Variants in KCNK12 observed in about 807,000 individuals in gnomAD.
KCNK12 encodes the protein potassium two pore domain channel subfamily K member 12.
A neutral mutation model predicts 25.3 loss-of-function variants in KCNK12; 6 were observed. The observed-to-expected ratio is 0.24, with a 90% CI of 0.13 to 0.47. The LOEUF is 0.47. KCNK12 is among the 20% of genes least tolerant of loss of function. The pLI is 0.99. For missense variants in KCNK12, 444 were observed against 661.7 expected (o/e 0.67, Z 3.61); for synonymous variants, 331 against 311.1 (o/e 1.06, Z -0.67).
At chr2:47,536,567 G>A (rs1473782744) in intron 1 of KCNK12, among the ~76,000 whole-genome samples, 6 of 152,200 alleles carry the variant, frequency 3.9e-5, no homozygotes, top group Admixed American at 3.9e-4. Context: ...GCAGGGGAAG[G>A]AAGACTATGG....
intron 1 of KCNK12, among the ~76,000 whole-genome samples, chr2:47,534,264 G>GT (rs945325633): frequency 6.6e-6 from 1 of 152,106 alleles, no homozygotes; most frequent in East Asian, 1.9e-4. Context: ...TGGGATTAAG[G>GT]TTTTCTCTCC....
At position 47,566,710 on chromosome 2, in the gene KCNK12, A is replaced by G. The variant is rs533653472; in HGVS notation, c.391+3231T>C. On this transcript the variant is annotated intron_variant, in intron 1 of 1. Coordinates refer to ENST00000327876, the MANE Select transcript of KCNK12 (RefSeq NM_022055.2). The surrounding 1 kb of genome is among the most constrained non-coding windows in gnomAD (Gnocchi z 4.1). ...GTCCCTGCCCTGGTTACACACACATACACTCTCTCTCACACTCAGACAGAC... is the reference window on the plus strand; with the variant it reads ...GTCCCTGCCCTGGTTACACACACATGCACTCTCTCTCACACTCAGACAGAC... 6.6e-6 allele frequency: 1 copy of G among 152,278 alleles called. No individual in the cohort carries two copies. The highest frequency in any genetic ancestry group is 2.4e-5 in the African/African-American group (1 of 41,556). 9.4% of individuals were successfully genotyped at this position (152,278 alleles called of 1,614,324 possible).
rs1237640866 is a variant in KCNK12, at chr2:47,529,645, C to T, written c.392-7837G>A. On this transcript the variant is annotated intron_variant, in intron 1 of 1. Transcript: ENST00000327876. The surrounding 1 kb of genome is among the most constrained non-coding windows in gnomAD (Gnocchi z 4.3). ...CCAATCAGGATAATCCAGTTCCTTA[C>T]CATGACTGGCTCAAGAATGGGTAGA... 6.6e-6 allele frequency among the ~76,000 whole-genome samples: 1 copy of T among 152,190 alleles called. No individual in the cohort carries two copies. The highest frequency in any genetic ancestry group is 1.5e-5 in the Non-Finnish European group (1 of 68,040).
In KCNK12 at chr2:47,570,282, A is replaced by AGGC. The variant is rs1320420491; in HGVS notation, c.47_49dup (p.Arg16dup). The AGGC allele has an allele frequency of 5.0e-6, 7 of 1,392,928 alleles. No individual in the cohort carries two copies. The highest frequency in any genetic ancestry group is 3.0e-5 in the African/African-American group (2 of 66,230). The allele number at this position is 1,392,928 out of a possible 1,614,324, so 86.3% of individuals were successfully genotyped here. On this transcript the variant is annotated inframe_insertion, in exon 1 of 2. Transcript: ENST00000327876. ...GCAGCAGCAGCAGGAGGGGCGCGGCAGGCGGCGGCGGCTACGGCGGGGCGG... is the reference window on the plus strand; with the variant it reads ...GCAGCAGCAGCAGGAGGGGCGCGGCAGGCGGCGGCGGCGGCTACGGCGGGGCGG...
rs1668635917 is a variant in KCNK12, at chr2:47,520,843, A to T, written c.*64T>A. 3.6e-6 allele frequency: 4 copies of T among 1,121,612 alleles called. No individual in the cohort carries two copies. The highest frequency in any genetic ancestry group is 4.5e-6 in the Non-Finnish European group (4 of 885,368). 69.5% of individuals were successfully genotyped at this position (1,121,612 alleles called of 1,614,324 possible). A position where few individuals can be genotyped will look rare whatever the true frequency, so the allele number is the denominator to read the frequency against. ...AGAAAGCGCCAGCAGTGACTGAGAG[A>T]AGCAAACCACGCCCGGCGGCCCCGC... On this transcript the variant is annotated 3_prime_UTR_variant, in exon 2 of 2. Transcript: ENST00000327876. This position sits in a 1 kb window ranked among gnomAD's most constrained non-coding sequence, Gnocchi z 5.0.
intron 1 of KCNK12, chr2:47,543,670 A>T (rs762866610): frequency 6.6e-6 from 1 of 152,318 alleles, no homozygotes; most frequent in Non-Finnish European, 1.5e-5. Context: ...GAAAGGGCAG[A>T]GTCGGGGATC....
chr2:47,569,380 G>A lies in KCNK12; in HGVS notation c.391+561C>T, dbSNP rs185917945. Among the ~76,000 whole-genome samples, 16 of 152,272 alleles carry A rather than the reference G, an allele frequency of 1.1e-4. No homozygotes were observed. The highest frequency in any genetic ancestry group is 3.9e-4 in the African/African-American group (16 of 41,540). ...AGGCTAACGGGCTTTACTTTGGGGG[G>A]CGGTATAGACTGTAGGAGAAGCAAG... On this transcript the variant is annotated intron_variant, in intron 1 of 1. Coordinates refer to ENST00000327876, the MANE Select transcript of KCNK12 (RefSeq NM_022055.2). The surrounding 1 kb of genome is among the most constrained non-coding windows in gnomAD (Gnocchi z 4.1).
At chr2:47,550,948 G>A (rs1669417379) in intron 1 of KCNK12, among the ~76,000 whole-genome samples, 1 of 152,082 alleles carries the variant, frequency 6.6e-6, no homozygotes, top group Admixed American at 6.6e-5. Flanking sequence ...ACAGCAATGA[G>A]TGGTCTTAGA....
chr2:47,563,963 T>C (rs908910786), intron 1 of KCNK12: 8 of 231,568 alleles, frequency 3.5e-5, no homozygotes, highest in Admixed American at 1.1e-4. Flanking sequence ...AGCAGGGGGA[T>C]CCAGGTACCT....
rs1669779141 is a variant in KCNK12, at chr2:47,565,941, T to C, written c.391+4000A>G. The C allele has an allele frequency of 6.6e-6, 1 of 152,232 alleles. No homozygotes were observed. The highest frequency in any genetic ancestry group is 6.5e-5 in the Admixed American group (1 of 15,288). The allele number at this position is 152,232 out of a possible 1,614,324, so 9.4% of individuals were successfully genotyped here. ...CTTAGATGTTTTTTAATTGGCAGAA[T>C]GAATAAATGGATACATTCACATTAA... is the stretch of plus-strand genomic sequence containing the variant. On this transcript the variant is annotated intron_variant, in intron 1 of 1. Transcript: ENST00000327876. This position sits in a 1 kb window ranked among gnomAD's most constrained non-coding sequence, Gnocchi z 5.0.
intron 1 of KCNK12, among the ~76,000 whole-genome samples, chr2:47,558,652 T>C (rs1016098514): frequency 6.6e-6 from 1 of 152,068 alleles, no homozygotes; most frequent in Admixed American, 6.5e-5. Context: ...TTCAGAACAC[T>C]TGGCAGCAGG....
At position 47,562,713 on chromosome 2, in the gene KCNK12, C is replaced by T. The variant is rs1459961120; in HGVS notation, c.391+7228G>A. 8.6e-6 allele frequency: 2 copies of T among 233,182 alleles called. No homozygotes were observed. Among genetic ancestry groups the T allele is most frequent in the Admixed American group, 5.6e-5 (1 of 17,776 alleles). 14.4% of individuals were successfully genotyped at this position (233,182 alleles called of 1,614,324 possible). Reference sequence around the variant, plus strand: ...TTCAGTACCCTTCTTCATTCTCTACCAGCACCTCCCCAACCTCCTGGAAAC... The same window carrying T: ...TTCAGTACCCTTCTTCATTCTCTACTAGCACCTCCCCAACCTCCTGGAAAC... On this transcript the variant is annotated intron_variant, in intron 1 of 1. Coordinates refer to ENST00000327876, the MANE Select transcript of KCNK12 (RefSeq NM_022055.2). The surrounding 1 kb of genome is among the most constrained non-coding windows in gnomAD (Gnocchi z 4.8).
intron 1 of KCNK12, among the ~76,000 whole-genome samples, chr2:47,527,363 A>G (rs746526139): frequency 9.2e-5 from 14 of 152,014 alleles, no homozygotes; most frequent in Non-Finnish European, 1.8e-4. Context: ...GCCAAGGTAG[A>G]CTCATAACCT....
At chr2:47,531,905 A>G (rs564065847) in intron 1 of KCNK12, among the ~76,000 whole-genome samples, 1 of 152,094 alleles carries the variant, frequency 6.6e-6, no homozygotes, top group Non-Finnish European at 1.5e-5. Context: ...GGGTGTAACT[A>G]ACCCTAGGCC....
Position 47,551,197 on chromosome 2 carries a change from C to T in KCNK12, c.391+18744G>A, listed in dbSNP as rs1417255089. On this transcript the variant is annotated intron_variant, in intron 1 of 1. Coordinates refer to ENST00000327876, the MANE Select transcript of KCNK12 (RefSeq NM_022055.2). This position sits in a 1 kb window ranked among gnomAD's most constrained non-coding sequence, Gnocchi z 5.3. ...CCAAACACTATTCCAGACACACTGG[C>T]TTCCTTGCGGCTCCTCCAGCAAACC... Among the ~76,000 whole-genome samples, 1 of 152,186 alleles carries T rather than the reference C, an allele frequency of 6.6e-6. No individual in the cohort carries two copies. Among genetic ancestry groups the T allele is most frequent in the African/African-American group, 2.4e-5 (1 of 41,430 alleles).
In KCNK12 at chr2:47,562,157, C is replaced by G; in HGVS notation, c.391+7784G>C. On this transcript the variant is annotated intron_variant, in intron 1 of 1. Coordinates refer to ENST00000327876, the MANE Select transcript of KCNK12 (RefSeq NM_022055.2). The surrounding 1 kb of genome is among the most constrained non-coding windows in gnomAD (Gnocchi z 4.8). ...GGAATGCAGACTGTCAGGTCCCACC[C>G]CAGACCTACTCAACAGAAACTACTT... The G allele has an allele frequency of 1.0e-5, 4 of 398,652 alleles. No individual in the cohort carries two copies. In the East Asian group the frequency reaches 1.4e-4, roughly 14 times the overall value. The allele number at this position is 398,652 out of a possible 1,614,324, so 24.7% of individuals were successfully genotyped here. A position where few individuals can be genotyped will look rare whatever the true frequency, so the allele number is the denominator to read the frequency against.
Position 47,521,136 on chromosome 2 carries a change from C to T in KCNK12, c.1064G>A (p.Arg355His). The change falls in exon 2 of 2, where the codon CGC (arginine) becomes CAC (histidine). Residue 355 changes from arginine (R) to histidine (H), a missense_variant. By Grantham distance (29) the Arg-to-His change is conservative. Transcript: ENST00000327876. Reference sequence around the variant, plus strand: ...GCGGCGGCCCTCGGCGTCGCTGTCGCGGGCCGCGGGGTCGGCACCGAGCGC... The same window carrying T: ...GCGGCGGCCCTCGGCGTCGCTGTCGTGGGCCGCGGGGTCGGCACCGAGCGC... Reference protein sequence around the residue: ...LAALGADPAARDSDAEGRRLS... With the variant: ...LAALGADPAAHDSDAEGRRLS... 3 of 1,271,276 alleles carry T rather than the reference C, an allele frequency of 2.4e-6. 1 individual carries two copies. The highest frequency in any genetic ancestry group is 6.0e-5 in the South Asian group (2 of 33,356). 78.7% of individuals were successfully genotyped at this position (1,271,276 alleles called of 1,614,324 possible).
chr2:47,551,786 C>G lies in KCNK12; in HGVS notation c.391+18155G>C, dbSNP rs1669439038. 6.6e-6 allele frequency among the ~76,000 whole-genome samples: 1 copy of G among 152,218 alleles called. No individual in the cohort carries two copies. Among genetic ancestry groups the G allele is most frequent in the Admixed American group, 6.5e-5 (1 of 15,282 alleles). On this transcript the variant is annotated intron_variant, in intron 1 of 1. Transcript: ENST00000327876. This position sits in a 1 kb window ranked among gnomAD's most constrained non-coding sequence, Gnocchi z 5.3. ...TTATTGGTTTAAGATTCAGTTCTAG[C>G]CACAGGCTGCACTGTGCATAAATCT...
intron 1 of KCNK12, chr2:47,563,678 C>G (rs77927218): frequency 3.4e-5 from 8 of 233,020 alleles, no homozygotes; most frequent in Non-Finnish European, 6.8e-5. Context: ...AGCCCCCACC[C>G]CTAATTACAG....
Sources: gnomAD v4.1 joint callset for allele counts (sites outside exome capture counted in the v4.1 genomes callset) on GRCh38, gnomAD v4.1.1 for gene constraint, Gnocchi (gnomAD v3.1) non-coding constraint, MANE v1.5 for transcripts, NCBI Gene and HGNC (gene_info 2026-07-23, HGNC 2026-07-21) for gene names.